TASP1: variants seen among roughly 807,000 people sequenced by gnomAD.
TASP1 encodes the protein threonine aspartase 1.
TASP1 carries 16 observed loss-of-function variants against 56.6 expected under a neutral mutation model. That is an observed-to-expected ratio of 0.28 (90% CI 0.19 to 0.43). The LOEUF is 0.43. Ranked by LOEUF, TASP1 falls within the 20% of genes least tolerant of loss-of-function variation. The pLI is 1.00. For synonymous variants in TASP1, 179 were observed against 184.2 expected (o/e 0.97, Z 0.23); for missense variants, 393 against 511.6 (o/e 0.77, Z 2.24).
intron 8 of TASP1, among the ~76,000 whole-genome samples, chr20:13,548,405 C>A (rs927968669): frequency 6.6e-6 from 1 of 151,764 alleles, no homozygotes. Context: ...GTGTAATAGG[C>A]AGGAGAAAAC....
the TASP1 span, among the ~76,000 whole-genome samples, chr20:13,171,710 C>G: frequency 6.6e-6 from 1 of 152,086 alleles, no homozygotes; most frequent in African/African-American, 2.4e-5. Flanking sequence ...GTCAACATGG[C>G]TCTCGATTGT....
At chr20:13,139,940 C>T in the TASP1 span, among the ~76,000 whole-genome samples, 1 of 152,204 alleles carries the variant, frequency 6.6e-6, no homozygotes, top group Admixed American at 6.5e-5. Flanking sequence ...TTTACCACAA[C>T]TACTTCTAGT....
intron 4 of TASP1, 57 bp from the exon 5 acceptor site, chr20:13,587,427 C>A: frequency 7.0e-7 from 1 of 1,431,338 alleles, no homozygotes; most frequent in Non-Finnish European, 9.5e-7. Context: ...GTATTAATGT[C>A]AGTCCTTCAT....
the TASP1 span, among the ~76,000 whole-genome samples, chr20:13,116,580 C>T: frequency 6.6e-6 from 1 of 152,094 alleles, no homozygotes; most frequent in East Asian, 1.9e-4. Context: ...CCAGGAGGAT[C>T]TTTGTTAATT....
chr20:13,629,403 A>G (rs960310802), intron 2 of TASP1, among the ~76,000 whole-genome samples: 1 of 151,442 alleles, frequency 6.6e-6, no homozygotes, highest in Non-Finnish European at 1.5e-5. Context: ...CAGCTCAAAG[A>G]TTGTGTAATA....
At chr20:13,295,435 A>T in the TASP1 span, among the ~76,000 whole-genome samples, 1 of 152,154 alleles carries the variant, frequency 6.6e-6, no homozygotes, top group Non-Finnish European at 1.5e-5. Flanking sequence ...GAAACTGAAC[A>T]TGTCATGCCC....
intron 13 of TASP1, among the ~76,000 whole-genome samples, chr20:13,407,308 T>C (rs552241733): frequency 6.6e-6 from 1 of 152,362 alleles, no homozygotes; most frequent in East Asian, 1.9e-4. Flanking sequence ...GGACATTTCA[T>C]ATAAACAAAA....
chr20:13,598,405 C>A (rs537092789), intron 4 of TASP1, among the ~76,000 whole-genome samples: 1 of 152,214 alleles, frequency 6.6e-6, no homozygotes, highest in Admixed American at 6.5e-5. Context: ...TGATCTTTGA[C>A]AAAACTGACA....
chr20:13,471,724 A>T (rs1026947495), intron 11 of TASP1, among the ~76,000 whole-genome samples: 42 of 152,174 alleles, frequency 2.8e-4, no homozygotes, highest in African/African-American at 9.7e-4. Flanking sequence ...GCCAAACAGG[A>T]ACAGCTCTGG....
intron 10 of TASP1, among the ~76,000 whole-genome samples, chr20:13,510,796 C>G (rs148482946): frequency 6.6e-6 from 1 of 152,276 alleles, no homozygotes; most frequent in Non-Finnish European, 1.5e-5. Flanking sequence ...CAGCACAGTA[C>G]CTGACCATGG....
chr20:13,299,400 A>G, the TASP1 span: 1 of 1,612,936 alleles, frequency 6.2e-7, no homozygotes, highest in South Asian at 1.1e-5. This position sits in a 1 kb window ranked among gnomAD's most constrained non-coding sequence, Gnocchi z 5.8. Flanking sequence ...ACAGAAGTGC[A>G]CAGAGAGCCC....
chr20:13,530,415 T>G (rs573409620), intron 9 of TASP1, among the ~76,000 whole-genome samples: 2 of 152,222 alleles, frequency 1.3e-5, no homozygotes, highest in Non-Finnish European at 2.9e-5. Context: ...ATTTAGAATA[T>G]GAATTTATAA....
At chr20:13,117,891 C>T in the TASP1 span, among the ~76,000 whole-genome samples, 3 of 152,148 alleles carry the variant, frequency 2.0e-5, no homozygotes, top group East Asian at 1.9e-4. Context: ...CCCAGAATAT[C>T]GAGGAGCTCT....
At chr20:13,414,616 T>C (rs928038256) in intron 13 of TASP1, among the ~76,000 whole-genome samples, 1 of 152,182 alleles carries the variant, frequency 6.6e-6, no homozygotes, top group African/African-American at 2.4e-5. Flanking sequence ...CCTGTTTCTA[T>C]TACAGTAGTC....
chr20:13,470,086 T>A (rs1454046410), intron 11 of TASP1, among the ~76,000 whole-genome samples: 2 of 152,040 alleles, frequency 1.3e-5, no homozygotes, highest in Non-Finnish European at 2.9e-5. Flanking sequence ...TTTTTAATCA[T>A]CCATTGTATC....
At chr20:13,147,476 C>T in the TASP1 span, among the ~76,000 whole-genome samples, 1 of 152,078 alleles carries the variant, frequency 6.6e-6, no homozygotes, top group Non-Finnish European at 1.5e-5. Context: ...TCCTGCTGTC[C>T]ATTGAAACTT....
the TASP1 span, among the ~76,000 whole-genome samples, chr20:13,146,078 T>C: frequency 6.6e-6 from 1 of 152,182 alleles, no homozygotes; most frequent in Non-Finnish European, 1.5e-5. Context: ...ATATACACCA[T>C]GGAATACTAT....
chr20:13,113,793 A>T, the TASP1 span, among the ~76,000 whole-genome samples: 1 of 152,206 alleles, frequency 6.6e-6, no homozygotes, highest in African/African-American at 2.4e-5. Context: ...TTTCAGTCTA[A>T]GAAGTTGCAA....
At chr20:13,392,600 T>C (rs2041333022) in intron 13 of TASP1, 1 of 363,424 alleles carries the variant, frequency 2.8e-6, no homozygotes, top group Non-Finnish European at 5.3e-6. Context: ...TATGTAAACA[T>C]GCAGAATCTT....
Sources: gnomAD v4.1 joint callset for allele counts (sites outside exome capture counted in the v4.1 genomes callset) on GRCh38, gnomAD v4.1.1 for gene constraint, Gnocchi (gnomAD v3.1) non-coding constraint, MANE v1.5 for transcripts, NCBI Gene and HGNC (gene_info 2026-07-23, HGNC 2026-07-21) for gene names.